WDFY3: variants seen among roughly 807,000 people sequenced by gnomAD.
WDFY3 encodes WD repeat and FYVE domain-containing protein 3.
Under a neutral mutation model 409.6 loss-of-function variants are expected in WDFY3, and 66 were observed. That is an observed-to-expected ratio of 0.16 (90% CI 0.13 to 0.20). The LOEUF (loss-of-function observed/expected upper bound fraction) is 0.20. Among genes scored for constraint, WDFY3 ranks in the 10% least tolerant of loss-of-function variants. The pLI is 1.00. For synonymous variants in WDFY3, 1,521 were observed against 1,537.1 expected (o/e 0.99, Z 0.25); for missense variants, 3,031 against 4,298.1 (o/e 0.71, Z 8.24).
intron 1 of WDFY3, among the ~76,000 whole-genome samples, chr4:84,958,088 A>T (rs773503195): frequency 7.9e-5 from 12 of 152,164 alleles, no homozygotes; most frequent in Non-Finnish European, 1.5e-4. Context: ...CTTGCGCATA[A>T]GATTAGTGGA....
intron 2 of WDFY3, among the ~76,000 whole-genome samples, chr4:84,923,727 G>A (rs2150887880): frequency 6.6e-6 from 1 of 152,304 alleles, no homozygotes; most frequent in East Asian, 1.9e-4. Context: ...GGCCAGATAT[G>A]ATGGCTCATG....
chr4:84,861,696 C>T (rs1473549043), intron 3 of WDFY3, among the ~76,000 whole-genome samples: 1 of 152,172 alleles, frequency 6.6e-6, no homozygotes, highest in African/African-American at 2.4e-5. Context: ...AGGTGTATTA[C>T]TGTGTACTGA....
chr4:84,826,676 T>TA (rs796363533), intron 10 of WDFY3, 139 bp downstream of exon 10: 35,078 of 641,638 alleles, frequency 0.055, 1 homozygote, highest in Middle Eastern at 0.07. Flanking sequence ...CTTAAACCAT[T>TA]AAAAAAAAAA....
At chr4:84,868,103 T>C (rs150451722) in intron 3 of WDFY3, among the ~76,000 whole-genome samples, 6 of 120,542 alleles carry the variant, frequency 5.0e-5, no homozygotes, top group Non-Finnish European at 7.9e-5. Flanking sequence ...CAGGAGGAGG[T>C]GGAGCTTTAA....
intron 52 of WDFY3, 63 bp from the exon 53 acceptor site, chr4:84,709,091 A>C: frequency 6.3e-7 from 1 of 1,583,140 alleles, no homozygotes; most frequent in Admixed American, 1.8e-5. Context: ...CAGCTTTTAA[A>C]ATTTTATATA....
At chr4:84,696,867 G>T in intron 56 of WDFY3, 44 bp from the exon 57 acceptor site, 1 of 1,529,412 alleles carries the variant, frequency 6.5e-7, no homozygotes, top group Non-Finnish European at 9.0e-7. Context: ...AGAAAGAATG[G>T]GATAAATGGT....
intron 2 of WDFY3, among the ~76,000 whole-genome samples, chr4:84,902,883 T>C (rs891783327): frequency 1.3e-5 from 2 of 152,216 alleles, no homozygotes; most frequent in African/African-American, 4.8e-5. Flanking sequence ...ATATGTAAAG[T>C]CTTTGACTTA....
In WDFY3 at chr4:84,798,785, A is replaced by G. The variant is rs577878237; in HGVS notation, c.2823-677T>C. Among the ~76,000 whole-genome samples, 3 of 152,286 alleles carry G rather than the reference A, an allele frequency of 2.0e-5. No individual in the cohort carries two copies. The South Asian group carries it at 6.2e-4, about 32-fold the overall frequency. Reference sequence around the variant, plus strand: ...AGTCTTAATTACCTCCTGTGACACCAATATTGCCCCAACTCAATCCATTCC... The same window carrying G: ...AGTCTTAATTACCTCCTGTGACACCGATATTGCCCCAACTCAATCCATTCC... On this transcript the variant is annotated intron_variant, in intron 17 of 67. Coordinates refer to ENST00000295888, the MANE Select transcript of WDFY3 (RefSeq NM_014991.6).
At chr4:84,686,776 T>A (rs1728399625) in intron 62 of WDFY3, among the ~76,000 whole-genome samples, 2 of 152,156 alleles carry the variant, frequency 1.3e-5, no homozygotes, top group Admixed American at 1.3e-4. Context: ...ACACACATTA[T>A]CTACTTGCTA....
intron 52 of WDFY3, 81 bp from the exon 53 acceptor site, chr4:84,709,109 A>T (rs1292845373): frequency 1.3e-6 from 2 of 1,554,696 alleles, no homozygotes; most frequent in Non-Finnish European, 1.7e-6. Flanking sequence ...ATACAAAATG[A>T]TGTAAAGGAC....
At chr4:84,912,449 T>A (rs1767916966) in intron 2 of WDFY3, among the ~76,000 whole-genome samples, 2 of 152,130 alleles carry the variant, frequency 1.3e-5, no homozygotes, top group South Asian at 4.1e-4. Context: ...GGGCACAGGG[T>A]TGCTATAAGA....
At chr4:84,850,616 C>G (rs1040653827) in intron 4 of WDFY3, among the ~76,000 whole-genome samples, 5 of 152,070 alleles carry the variant, frequency 3.3e-5, no homozygotes, top group African/African-American at 9.7e-5. Context: ...CACATCCAGC[C>G]AACATTTTTC....
chr4:84,803,215 A>G, intron 16 of WDFY3, 75 bp downstream of exon 16: 1 of 1,431,278 alleles, frequency 7.0e-7, no homozygotes, highest in Non-Finnish European at 9.2e-7. Context: ...TCAACCCCCT[A>G]GCTCATATAA....
At chr4:84,759,952 G>C (rs1560686972) in intron 32 of WDFY3, among the ~76,000 whole-genome samples, 1 of 150,858 alleles carries the variant, frequency 6.6e-6, no homozygotes, top group Non-Finnish European at 1.5e-5. Flanking sequence ...GTCATAGATA[G>C]CTCTTATTAT....
At position 84,789,885 on chromosome 4, in the gene WDFY3, G is replaced by A; in HGVS notation, c.3510C>T (p.Ser1170=). Residue 1170 remains serine, a synonymous_variant, in exon 22 of 68, where the codon TCC becomes TCT. Transcript: ENST00000295888. ...QNYVDDFSEE[S]SFYEILPCCA... Reference sequence around the variant, plus strand: ...AGCATGGGAGAATTTCATAAAATGAGGACTCTTCACTAAAATCATCAACTG... The same window carrying A: ...AGCATGGGAGAATTTCATAAAATGAAGACTCTTCACTAAAATCATCAACTG... The A allele has an allele frequency of 6.2e-7, 1 of 1,613,862 alleles. No homozygotes were observed. The highest frequency in any genetic ancestry group is 8.5e-7 in the Non-Finnish European group (1 of 1,179,984).
At chr4:84,849,765 A>G (rs1029236626) in intron 5 of WDFY3, 137 bp downstream of exon 5, 2 of 1,236,848 alleles carry the variant, frequency 1.6e-6, no homozygotes, top group African/African-American at 3.1e-5. Context: ...TGTGACTCTA[A>G]GAAAGGGAAA....
intron 5 of WDFY3, among the ~76,000 whole-genome samples, chr4:84,848,973 C>G (rs1758491776): frequency 6.6e-6 from 1 of 152,064 alleles, no homozygotes; most frequent in African/African-American, 2.4e-5. Flanking sequence ...ACTTTACTTA[C>G]TGAAAAGAAA....
At chr4:84,776,793 G>C (rs757250312) in intron 27 of WDFY3, among the ~76,000 whole-genome samples, 16 of 152,058 alleles carry the variant, frequency 1.1e-4, no homozygotes, top group Non-Finnish European at 2.2e-4. Context: ...TTGAATACTA[G>C]GCTGAGAAAT....
At chr4:84,812,648 G>A (rs554280414) in intron 13 of WDFY3, among the ~76,000 whole-genome samples, 22 of 152,266 alleles carry the variant, frequency 1.4e-4, no homozygotes, top group Non-Finnish European at 7.4e-5. Flanking sequence ...ATGAGGAGGG[G>A]TGAGTTCAAA....
Sources: gnomAD v4.1 joint callset for allele counts (sites outside exome capture counted in the v4.1 genomes callset) on GRCh38, gnomAD v4.1.1 for gene constraint, MANE v1.5 for transcripts, NCBI Gene and HGNC (gene_info 2026-07-23, HGNC 2026-07-21) for gene names.